ROCK1: variants seen among roughly 807,000 people sequenced by gnomAD.
ROCK1 encodes Rho associated coiled-coil containing protein kinase 1.
Under a neutral mutation model 196.8 loss-of-function variants are expected in ROCK1, and 36 were observed. That is an observed-to-expected ratio of 0.18 (90% confidence interval 0.14 to 0.24). The LOEUF (loss-of-function observed/expected upper bound fraction) is 0.24, where lower values mean the gene tolerates loss of function less well. ROCK1 is among the 10% of genes least tolerant of loss of function. ROCK1 has a pLI of 1.00. For missense variants in ROCK1, 920 were observed against 1,562.0 expected (o/e 0.59, Z 6.93); for synonymous variants, 443 against 515.9 (o/e 0.86, Z 1.91).
chr18:21,002,372 T>C (rs990665399), intron 16 of ROCK1, among the ~76,000 whole-genome samples: 10 of 152,296 alleles, frequency 6.6e-5, no homozygotes, highest in South Asian at 6.2e-4. Context: ...TGAGCATCAT[T>C]AAGAATAATG....
chr18:20,960,025 G>T, intron 28 of ROCK1, 97 bp from the exon 29 acceptor site: 1 of 1,020,490 alleles, frequency 9.8e-7, no homozygotes, highest in Non-Finnish European at 1.5e-6. Context: ...AGATTATACT[G>T]TATTAATGTA....
At chr18:20,958,752 C>T (rs1395918131) in intron 29 of ROCK1, among the ~76,000 whole-genome samples, 12 of 149,012 alleles carry the variant, frequency 8.1e-5, no homozygotes, top group African/African-American at 2.7e-4. Context: ...CTCCTGTATG[C>T]TTTAAAATCA....
At chr18:21,062,408 T>C (rs1267472003) in intron 2 of ROCK1, among the ~76,000 whole-genome samples, 1 of 152,150 alleles carries the variant, frequency 6.6e-6, no homozygotes, top group Non-Finnish European at 1.5e-5. Context: ...GCAAAAGCAA[T>C]TGAGATTTTT....
At chr18:21,030,784 T>C (rs141742831) in intron 9 of ROCK1, among the ~76,000 whole-genome samples, 85 of 152,310 alleles carry the variant, frequency 5.6e-4, no homozygotes, top group Admixed American at 1.9e-3. Context: ...TAACTGTTAA[T>C]TTAGAAATCA....
intron 1 of ROCK1, among the ~76,000 whole-genome samples, chr18:21,094,069 T>C (rs183468318): frequency 8.9e-4 from 135 of 152,248 alleles, no homozygotes; most frequent in African/African-American, 3.2e-3. Flanking sequence ...CTGAAGTCAA[T>C]GGTCAAAGCT....
intron 1 of ROCK1, among the ~76,000 whole-genome samples, chr18:21,085,303 T>A (rs2036516836): frequency 7.4e-6 from 1 of 136,028 alleles, no homozygotes; most frequent in Non-Finnish European, 1.5e-5. Context: ...GAGGATCGCC[T>A]GAGCCCAGGA....
chr18:20,947,645 G>C lies in ROCK1; in HGVS notation c.*3739C>G, dbSNP rs878981043. 1.3e-5 allele frequency: 2 copies of C among 152,052 alleles called. No individual in the cohort carries two copies. The highest frequency in any genetic ancestry group is 4.8e-5 in the African/African-American group (2 of 41,390). 9.4% of individuals were successfully genotyped at this position (152,052 alleles called of 1,614,324 possible). On this transcript the variant is annotated 3_prime_UTR_variant, in exon 33 of 33. Coordinates refer to ENST00000399799, the MANE Select transcript of ROCK1 (RefSeq NM_005406.3). ...CCACCCTGGGCAACATAATCTCATC[G>C]GATTGTCATTATATGACTATTTATT...
At chr18:20,952,368 C>T (rs1169444386) in intron 32 of ROCK1, among the ~76,000 whole-genome samples, 12 of 144,144 alleles carry the variant, frequency 8.3e-5, no homozygotes, top group East Asian at 4.3e-4. Flanking sequence ...GGTGACAGAG[C>T]GAGACTCTGT....
chr18:21,046,864 T>C (rs534088017), intron 4 of ROCK1, among the ~76,000 whole-genome samples: 14 of 152,198 alleles, frequency 9.2e-5, no homozygotes, highest in Non-Finnish European at 1.6e-4. Context: ...TTTTTTGTTT[T>C]TTTGTAGAGA....
intron 29 of ROCK1, among the ~76,000 whole-genome samples, 194 bp downstream of exon 29, chr18:20,959,646 A>G (rs1174887868): frequency 1.3e-5 from 2 of 151,606 alleles, no homozygotes; most frequent in African/African-American, 4.9e-5. Context: ...CAAATACATG[A>G]AATAAGTATA....
chr18:21,105,216 AT>A (rs1375913062), intron 1 of ROCK1, among the ~76,000 whole-genome samples: 1 of 152,228 alleles, frequency 6.6e-6, no homozygotes, highest in Non-Finnish European at 1.5e-5. Flanking sequence ...TCCCTAAAAT[AT>A]TTCAGCAAAT....
intron 12 of ROCK1, among the ~76,000 whole-genome samples, chr18:21,018,746 A>C (rs2035886900): frequency 6.6e-6 from 1 of 152,186 alleles, no homozygotes; most frequent in Admixed American, 6.5e-5. Flanking sequence ...AAAAGTGAGA[A>C]TTTTATCTGT....
At chr18:20,954,472 A>G (rs2143319608) in intron 31 of ROCK1, among the ~76,000 whole-genome samples, 1 of 151,806 alleles carries the variant, frequency 6.6e-6, no homozygotes, top group South Asian at 2.1e-4. Flanking sequence ...GCTACTCAGG[A>G]GGCTGAGATA....
intron 11 of ROCK1, among the ~76,000 whole-genome samples, chr18:21,023,254 C>T (rs1259132422): frequency 1.3e-5 from 2 of 152,080 alleles, no homozygotes; most frequent in Admixed American, 6.6e-5. Context: ...TTTCATGTTA[C>T]GTATATTTGC....
intron 1 of ROCK1, among the ~76,000 whole-genome samples, chr18:21,103,458 TTTA>T (rs1195307597): frequency 4.6e-5 from 7 of 151,702 alleles, no homozygotes; most frequent in Non-Finnish European, 8.8e-5. Context: ...TAAATTTTAT[TTTA>T]TTATTTTTTT....
chr18:21,099,833 C>T (rs563027134), intron 1 of ROCK1, among the ~76,000 whole-genome samples: 491 of 152,044 alleles, frequency 3.2e-3, no homozygotes, highest in Middle Eastern at 0.014. Flanking sequence ...CTCAGGAGTT[C>T]GAGACCAGCC....
At chr18:21,099,762 C>A (rs2036642773) in intron 1 of ROCK1, among the ~76,000 whole-genome samples, 1 of 151,848 alleles carries the variant, frequency 6.6e-6, no homozygotes, top group Non-Finnish European at 1.5e-5. Context: ...AGGCCGGGCG[C>A]AGTGGCTCAT....
At chr18:21,072,178 T>G (rs921382586) in intron 1 of ROCK1, among the ~76,000 whole-genome samples, 1 of 152,192 alleles carries the variant, frequency 6.6e-6, no homozygotes, top group Admixed American at 6.5e-5. Context: ...GACCAAGTAT[T>G]TGATCATGTG....
At chr18:21,097,711 C>T (rs2143595483) in intron 1 of ROCK1, among the ~76,000 whole-genome samples, 2 of 152,314 alleles carry the variant, frequency 1.3e-5, no homozygotes, top group African/African-American at 4.8e-5. Flanking sequence ...TTACAAACAG[C>T]TAACATCTAC....
Sources: allele counts gnomAD v4.1 joint callset (sites outside exome capture counted in the v4.1 genomes callset), GRCh38; gene constraint gnomAD v4.1.1; transcripts MANE v1.5; gene names NCBI Gene and HGNC (gene_info 2026-07-23, HGNC 2026-07-21).